Variants in UBR2 observed in about 807,000 individuals in gnomAD.
UBR2 encodes E3 ubiquitin-protein ligase UBR2.
In UBR2, 92 loss-of-function variants were observed where a neutral mutation model predicts 247.9. The ratio of observed to expected loss-of-function variants is 0.37; its 90% CI spans 0.31 to 0.44. The LOEUF is 0.44. Among genes scored for constraint, UBR2 ranks in the 20% least tolerant of loss-of-function variants. The probability of loss-of-function intolerance (pLI) is 1.00; values close to 1 mark genes in which losing one functional copy is unlikely to be tolerated. For synonymous variants in UBR2, 672 were observed against 693.5 expected (o/e 0.97, Z 0.49); for missense variants, 1,613 against 2,112.6 (o/e 0.76, Z 4.64).
intron 2 of UBR2, among the ~76,000 whole-genome samples, chr6:42,586,803 T>C (rs1239378520): frequency 6.7e-6 from 1 of 149,964 alleles, no homozygotes; most frequent in Non-Finnish European, 1.5e-5. Flanking sequence ...CTTCTTGTCA[T>C]ATATATTGCA....
chr6:42,663,731 G>C (rs1432318508), intron 32 of UBR2, among the ~76,000 whole-genome samples: 1 of 152,164 alleles, frequency 6.6e-6, no homozygotes, highest in African/African-American at 2.4e-5. Context: ...TCAGTAAACT[G>C]GTAGAGGGAG....
intron 11 of UBR2, among the ~76,000 whole-genome samples, chr6:42,622,470 C>T (rs1390160001): frequency 6.7e-6 from 1 of 150,244 alleles, no homozygotes; most frequent in African/African-American, 2.5e-5. Flanking sequence ...GGTGCAATCT[C>T]AGTTCACTGC....
At chr6:42,650,006 G>T (rs1474819042) in intron 22 of UBR2, among the ~76,000 whole-genome samples, 1 of 152,170 alleles carries the variant, frequency 6.6e-6, no homozygotes, top group Non-Finnish European at 1.5e-5. Context: ...GTTGTAATTT[G>T]TTATTTCACG....
chr6:42,652,028 A>G lies in UBR2; in HGVS notation c.2571A>G (p.Glu857=), dbSNP rs763945495. 1.9e-6 allele frequency: 3 copies of G among 1,595,338 alleles called. No individual in the cohort carries two copies. The highest frequency in any genetic ancestry group is 3.6e-5 in the Admixed American group (2 of 55,998). ...ATAACTTTATTTTTTATTAGGCAGA[A>G]GAAGCGCAACGGAAATTGAAAAGAC... ...HFSRAEQSKA[E]EAQRKLKRQN... The change falls in exon 24 of 47, where the codon GAA becomes GAG. Residue 857 remains glutamate, a synonymous_variant. Coordinates refer to ENST00000372901, the MANE Select transcript of UBR2 (RefSeq NM_001363705.2).
In UBR2 at chr6:42,609,211, A is replaced by G. The variant is rs116620930; in HGVS notation, c.864+2560A>G. Among the ~76,000 whole-genome samples, 384 of 152,324 alleles carry G rather than the reference A, an allele frequency of 2.5e-3. 1 individual carries two copies. Among genetic ancestry groups the G allele is most frequent in the African/African-American group, 8.9e-3 (369 of 41,570 alleles). ...TGTTAAAGCTTTACCTCACCTAGGA[A>G]TTTATCTCATAGAAATACAAGTACC... On this transcript the variant is annotated intron_variant, in intron 7 of 46. Coordinates refer to ENST00000372901, the MANE Select transcript of UBR2 (RefSeq NM_001363705.2).
At position 42,652,084 on chromosome 6, in the gene UBR2, T is replaced by C. The variant is rs771422473; in HGVS notation, c.2614+13T>C. On this transcript the variant is annotated intron_variant, in intron 24 of 46. Coordinates refer to ENST00000372901, the MANE Select transcript of UBR2 (RefSeq NM_001363705.2). The stretch of plus-strand genomic sequence containing the variant: ...AGAGAAGATACAGGTATTTTTAATC[T>C]TTCTGAAAATGTCTTGCCCATCTTT... The C allele has an allele frequency of 1.9e-6, 3 of 1,576,820 alleles. No individual in the cohort carries two copies. The Admixed American group carries it at 5.8e-5, about 31-fold the overall frequency.
Position 42,599,254 on chromosome 6 carries a change from T to A in UBR2, c.532-4334T>A, listed in dbSNP as rs112304461. Among the ~76,000 whole-genome samples, 202 of 152,312 alleles carry A rather than the reference T, an allele frequency of 1.3e-3. 3 individuals are homozygous for A. Among genetic ancestry groups the A allele is most frequent in the African/African-American group, 4.6e-3 (191 of 41,556 alleles). ...ATGTTAATGCTGACTATTTGGTCTA[T>A]CTCATTTAATTCCCAAAACAGCCTC... is the stretch of plus-strand genomic sequence containing the variant. On this transcript the variant is annotated intron_variant, in intron 4 of 46. Coordinates refer to ENST00000372901, the MANE Select transcript of UBR2 (RefSeq NM_001363705.2).
rs912761316 is a variant in UBR2, at chr6:42,564,132, G to C, written c.-188G>C. On this transcript the variant is annotated 5_prime_UTR_variant, in exon 1 of 47. Coordinates refer to ENST00000372901, the MANE Select transcript of UBR2 (RefSeq NM_001363705.2). ...TTGGGCGCTAAGCTTGGGAGGGAGC[G>C]CAGGAGGCCGCTGTCCTTCCTTTCC... 1 of 622,222 alleles carries C rather than the reference G, an allele frequency of 1.6e-6. No homozygotes were observed. The highest frequency in any genetic ancestry group is 2.7e-6 in the Non-Finnish European group (1 of 369,992). 38.5% of individuals were successfully genotyped at this position (622,222 alleles called of 1,614,324 possible).
intron 26 of UBR2, among the ~76,000 whole-genome samples, chr6:42,656,748 T>G (rs1168984741): frequency 6.6e-6 from 1 of 152,202 alleles, no homozygotes; most frequent in East Asian, 1.9e-4. Flanking sequence ...TCCAAGTAAA[T>G]GAGAGAAAGA....
intron 1 of UBR2, among the ~76,000 whole-genome samples, chr6:42,569,071 TTGG>T (rs1439773312): frequency 6.6e-6 from 1 of 152,250 alleles, no homozygotes; most frequent in African/African-American, 2.4e-5. Context: ...TGTTCATCAG[TTGG>T]TGAATATTTG....
intron 2 of UBR2, among the ~76,000 whole-genome samples, chr6:42,577,009 G>T (rs760731016): frequency 5.9e-5 from 9 of 152,166 alleles, no homozygotes; most frequent in Non-Finnish European, 1.2e-4. Flanking sequence ...TGTTGAGAGG[G>T]TTAGTGAGAT....
intron 32 of UBR2, chr6:42,664,410 C>T (rs938902531): frequency 1.3e-5 from 2 of 152,192 alleles, no homozygotes; most frequent in Non-Finnish European, 2.9e-5. Flanking sequence ...ATAATGTCTG[C>T]TTTTCGAATC....
intron 40 of UBR2, 122 bp from the exon 41 acceptor site, chr6:42,678,416 TA>T (rs1798844725): frequency 1.9e-6 from 2 of 1,066,772 alleles, no homozygotes; most frequent in Admixed American, 5.9e-5. Context: ...ACTTGCCTGT[TA>T]ACTCACAACT....
At chr6:42,621,832 G>A (rs781415772) in intron 11 of UBR2, among the ~76,000 whole-genome samples, 2 of 152,012 alleles carry the variant, frequency 1.3e-5, no homozygotes, top group African/African-American at 2.4e-5. Flanking sequence ...CCATACACAC[G>A]AAGAAGCCTT....
At chr6:42,680,887 G>A (rs1228873517) in intron 42 of UBR2, among the ~76,000 whole-genome samples, 10 of 152,156 alleles carry the variant, frequency 6.6e-5, no homozygotes. Context: ...TGGGGCGGGG[G>A]CGCGGTGGCT....
At chr6:42,605,366 A>T (rs992753432) in intron 5 of UBR2, among the ~76,000 whole-genome samples, 7 of 152,170 alleles carry the variant, frequency 4.6e-5, no homozygotes, top group African/African-American at 1.7e-4. Context: ...GATGTTGCCA[A>T]ATGGTCAACT....
At chr6:42,643,503 G>C (rs1273728384) in intron 18 of UBR2, among the ~76,000 whole-genome samples, 1 of 152,122 alleles carries the variant, frequency 6.6e-6, no homozygotes, top group African/African-American at 2.4e-5. Context: ...GGCCAAGACA[G>C]GAGAATCACT....
chr6:42,660,001 C>T, intron 30 of UBR2, 146 bp downstream of exon 30: 1 of 752,480 alleles, frequency 1.3e-6, no homozygotes, highest in Non-Finnish European at 2.1e-6. Context: ...AGGAATTCCC[C>T]ACTTGGCAGA....
In UBR2 at chr6:42,569,203, G is replaced by A. The variant is rs141512099; in HGVS notation, c.79-4531G>A. 3.0e-3 allele frequency among the ~76,000 whole-genome samples: 455 copies of A among 152,288 alleles called. 3 individuals are homozygous for A. The highest frequency in any genetic ancestry group is 0.01 in the African/African-American group (434 of 41,560). On this transcript the variant is annotated intron_variant, in intron 1 of 46. Coordinates refer to ENST00000372901, the MANE Select transcript of UBR2 (RefSeq NM_001363705.2). Reference sequence around the variant, plus strand: ...ATATACATACCTAGAAGTGAAATTGGTGGGTCATATGTTAACTATTTTGAA... The same window carrying A: ...ATATACATACCTAGAAGTGAAATTGATGGGTCATATGTTAACTATTTTGAA...
Sources: gnomAD v4.1 joint callset for allele counts (sites outside exome capture counted in the v4.1 genomes callset) on GRCh38, gnomAD v4.1.1 for gene constraint, MANE v1.5 for transcripts, NCBI Gene and HGNC (gene_info 2026-07-23, HGNC 2026-07-21) for gene names.